ME1: variants seen among roughly 807,000 people sequenced by gnomAD.
ME1 encodes the protein NADP-dependent malic enzyme.
Under a neutral mutation model 66.4 loss-of-function variants are expected in ME1, and 74 were observed. That is an observed-to-expected ratio of 1.11 (90% CI 0.92 to 1.35). The LOEUF (loss-of-function observed/expected upper bound fraction) is 1.35, where lower values mean the gene tolerates loss of function less well. ME1 is among the 40% of genes most tolerant of loss of function. The probability of loss-of-function intolerance (pLI) is 0.00; values close to 1 mark genes in which losing one functional copy is unlikely to be tolerated. For missense variants in ME1, 750 were observed against 694.1 expected (o/e 1.08, Z -0.90); for synonymous variants, 251 against 235.6 (o/e 1.07, Z -0.60).
At chr6:83,262,368 T>C (rs1478334775) in intron 6 of ME1, among the ~76,000 whole-genome samples, 1 of 152,188 alleles carries the variant, frequency 6.6e-6, no homozygotes, top group East Asian at 1.9e-4. Flanking sequence ...TGCCTTCATA[T>C]AAGGGATGCA....
At chr6:83,417,626 G>T (rs7744501) in intron 1 of ME1, among the ~76,000 whole-genome samples, 1 of 150,314 alleles carries the variant, frequency 6.7e-6, no homozygotes, top group Non-Finnish European at 1.5e-5. Flanking sequence ...TGATCCACCC[G>T]CCTTGGCCTC....
chr6:83,412,474 GATTA>G (rs1040688947), intron 1 of ME1, among the ~76,000 whole-genome samples: 2 of 152,112 alleles, frequency 1.3e-5, no homozygotes, highest in Admixed American at 6.6e-5. Flanking sequence ...ACTAACTAAT[GATTA>G]ATTAATTATA....
At chr6:83,343,800 A>G (rs1583391740) in intron 5 of ME1, among the ~76,000 whole-genome samples, 1 of 152,202 alleles carries the variant, frequency 6.6e-6, no homozygotes, top group East Asian at 1.9e-4. Flanking sequence ...AATGTGGAAA[A>G]TTCAAGACAA....
At chr6:83,234,011 T>A (rs1790348579) in intron 9 of ME1, among the ~76,000 whole-genome samples, 1 of 152,100 alleles carries the variant, frequency 6.6e-6, no homozygotes, top group Non-Finnish European at 1.5e-5. Context: ...GCAGAATATA[T>A]GAACTTCTTT....
At chr6:83,305,773 A>G (rs1176270797) in intron 6 of ME1, among the ~76,000 whole-genome samples, 30 of 152,162 alleles carry the variant, frequency 2.0e-4, no homozygotes, top group Non-Finnish European at 2.9e-5. Context: ...TCAATTTCCT[A>G]CAGAACCAAA....
At position 83,210,628 on chromosome 6, in the gene ME1, C is replaced by A. The variant is rs879434900; in HGVS notation, c.*1296G>T. Reference sequence around the variant, plus strand: ...CTCATACCTAAAACAATTTGTGTAACCTTCAACTTTCAATAAAATCATTTT... The same window carrying A: ...CTCATACCTAAAACAATTTGTGTAAACTTCAACTTTCAATAAAATCATTTT... On this transcript the variant is annotated 3_prime_UTR_variant, in exon 14 of 14. Coordinates refer to ENST00000369705, the MANE Select transcript of ME1 (RefSeq NM_002395.6). 6 of 152,198 alleles carry A rather than the reference C, an allele frequency of 3.9e-5. No homozygotes were observed. Among genetic ancestry groups the A allele is most frequent in the South Asian group, 2.1e-4 (1 of 4,830 alleles). 9.4% of individuals were successfully genotyped at this position (152,198 alleles called of 1,614,324 possible). A position where few individuals can be genotyped will look rare whatever the true frequency, so the allele number is the denominator to read the frequency against.
intron 7 of ME1, among the ~76,000 whole-genome samples, chr6:83,248,004 A>C (rs1180202): frequency 0.42 from 63,995 of 151,870 alleles, 13,803 homozygotes; most frequent in Middle Eastern, 0.56. Context: ...GGGGCATATT[A>C]TGCTGTGGAT....
At chr6:83,392,387 T>C in intron 3 of ME1, 1 of 506,358 alleles carries the variant, frequency 2.0e-6, no homozygotes, top group Non-Finnish European at 3.8e-6. Context: ...CATCTTCTCG[T>C]GCATTGCCAG....
At chr6:83,426,413 C>T (rs1770371417) in intron 1 of ME1, among the ~76,000 whole-genome samples, 1 of 152,182 alleles carries the variant, frequency 6.6e-6, no homozygotes, top group Non-Finnish European at 1.5e-5. Flanking sequence ...AGGTAACAAA[C>T]ATATACAGAG....
At chr6:83,329,978 T>C (rs1660495450) in intron 5 of ME1, among the ~76,000 whole-genome samples, 4 of 152,012 alleles carry the variant, frequency 2.6e-5, no homozygotes, top group Non-Finnish European at 4.4e-5. Context: ...GCACCATACC[T>C]GGCTAATTTT....
At chr6:83,229,876 G>T (rs78893892) in intron 9 of ME1, among the ~76,000 whole-genome samples, 10,352 of 152,160 alleles carry the variant, frequency 0.068, 555 homozygotes, top group African/African-American at 0.15. Context: ...ATGCAAGTTG[G>T]AGTGCTGTGG....
At chr6:83,396,797 TAGAC>T (rs1769740547) in intron 3 of ME1, among the ~76,000 whole-genome samples, 1 of 151,928 alleles carries the variant, frequency 6.6e-6, no homozygotes, top group Non-Finnish European at 1.5e-5. Flanking sequence ...AGAAAGAGAA[TAGAC>T]AGCCCAGAAT....
At chr6:83,223,374 C>A (rs939204216) in intron 12 of ME1, among the ~76,000 whole-genome samples, 7 of 152,124 alleles carry the variant, frequency 4.6e-5, no homozygotes, top group African/African-American at 1.7e-4. Context: ...AAGCTGGCCT[C>A]GAACTCCTGG....
chr6:83,280,968 T>C, intron 6 of ME1, among the ~76,000 whole-genome samples: 1 of 152,228 alleles, frequency 6.6e-6, no homozygotes, highest in Non-Finnish European at 1.5e-5. Context: ...ATTTTTATTA[T>C]TGTCAACTTG....
At chr6:83,405,695 T>C (rs930027146) in intron 2 of ME1, among the ~76,000 whole-genome samples, 3 of 150,334 alleles carry the variant, frequency 2.0e-5, no homozygotes, top group African/African-American at 7.4e-5. Context: ...ACCTAGTTTA[T>C]TGAGAGTTTT....
intron 3 of ME1, chr6:83,392,945 C>T (rs1173220416): frequency 1.7e-5 from 14 of 828,290 alleles, no homozygotes; most frequent in South Asian, 6.7e-5. Flanking sequence ...TCATGACCAT[C>T]GCTGCCACCC....
intron 3 of ME1, among the ~76,000 whole-genome samples, chr6:83,365,460 G>A (rs1248830850): frequency 1.3e-5 from 2 of 152,178 alleles, no homozygotes; most frequent in African/African-American, 4.8e-5. Flanking sequence ...CCCTTTCAAT[G>A]AGAAAATGAA....
chr6:83,417,572 G>T (rs1434611868), intron 1 of ME1, among the ~76,000 whole-genome samples: 1 of 151,452 alleles, frequency 6.6e-6, no homozygotes, highest in Non-Finnish European at 1.5e-5. Flanking sequence ...GTAGAGACGG[G>T]GTTTCACCAT....
intron 5 of ME1, among the ~76,000 whole-genome samples, chr6:83,327,860 C>T (rs1486237976): frequency 6.6e-6 from 1 of 152,102 alleles, no homozygotes; most frequent in East Asian, 1.9e-4. Flanking sequence ...TGATGTCTCC[C>T]CCGGATGCCC....
Sources: allele counts gnomAD v4.1 joint callset (sites outside exome capture counted in the v4.1 genomes callset), GRCh38; gene constraint gnomAD v4.1.1; transcripts MANE v1.5; gene names NCBI Gene and HGNC (gene_info 2026-07-23, HGNC 2026-07-21).